Variants in MAP4 observed in about 807,000 individuals in gnomAD.
The protein encoded by MAP4 is microtubule-associated protein 4.
MAP4 carries 76 observed loss-of-function variants against 170.2 expected under a neutral mutation model. The ratio of observed to expected loss-of-function variants is 0.45; its 90% CI spans 0.37 to 0.54. The LOEUF (loss-of-function observed/expected upper bound fraction) is 0.54, where lower values mean the gene tolerates loss of function less well. Among genes scored for constraint, MAP4 ranks in the 20% least tolerant of loss-of-function variants. MAP4 has a pLI of 0.00. For missense variants in MAP4, 2,506 were observed against 2,748.0 expected (o/e 0.91, Z 1.97); for synonymous variants, 909 against 994.5 (o/e 0.91, Z 1.62).
intron 1 of MAP4, among the ~76,000 whole-genome samples, chr3:48,062,374 G>T (rs552838798): frequency 2.9e-4 from 44 of 151,354 alleles, no homozygotes; most frequent in African/African-American, 1.1e-3. Context: ...AGGCCGCAGG[G>T]TCCTCTGCCT....
At chr3:47,987,360 G>A (rs1339319248) in intron 2 of MAP4, 2 of 1,518,810 alleles carry the variant, frequency 1.3e-6, no homozygotes, top group Non-Finnish European at 8.8e-7. Context: ...AAAGAGGAAA[G>A]TTCAGGGAAG....
In MAP4 at chr3:48,016,320, C is replaced by T. The variant is rs1317488285; in HGVS notation, c.-20+14G>A. The T allele has an allele frequency of 6.8e-6, 1 of 147,616 alleles. No homozygotes were observed. The highest frequency in any genetic ancestry group is 1.5e-5 in the Non-Finnish European group (1 of 67,420). The allele number at this position is 147,616 out of a possible 1,614,324, so 9.1% of individuals were successfully genotyped here. A position where few individuals can be genotyped will look rare whatever the true frequency, so the allele number is the denominator to read the frequency against. Reference sequence around the variant, plus strand: ...CTTGCATCACAAAGTTAAAAGGCTACCTTGCTTACTTACAGGAACTATCCA... The same window carrying T: ...CTTGCATCACAAAGTTAAAAGGCTATCTTGCTTACTTACAGGAACTATCCA... On this transcript the variant is annotated intron_variant, in intron 1 of 20. Transcript: ENST00000683076.
chr3:48,059,288 G>A (rs1307532252), intron 1 of MAP4, among the ~76,000 whole-genome samples: 1 of 152,020 alleles, frequency 6.6e-6, no homozygotes, highest in Non-Finnish European at 1.5e-5. Context: ...GCCAAGGTGG[G>A]GAGATTGCCT....
intron 1 of MAP4, among the ~76,000 whole-genome samples, chr3:48,033,814 G>T (rs1195943766): frequency 2.0e-5 from 3 of 151,976 alleles, no homozygotes; most frequent in Non-Finnish European, 2.9e-5. Context: ...TGTTGGCCAG[G>T]CTGGTTTCGA....
At chr3:47,878,505 T>C (rs1162306393) in intron 10 of MAP4, among the ~76,000 whole-genome samples, 1 of 152,136 alleles carries the variant, frequency 6.6e-6, no homozygotes, top group African/African-American at 2.4e-5. Flanking sequence ...AGATGTACAA[T>C]GTTAAGTATA....
At chr3:47,874,893 G>A (rs2094766237) in intron 12 of MAP4, among the ~76,000 whole-genome samples, 2 of 152,114 alleles carry the variant, frequency 1.3e-5, no homozygotes, top group Non-Finnish European at 2.9e-5. Context: ...TTCGTACCAT[G>A]AATTTAAAGA....
chr3:47,911,538 T>C lies in MAP4; in HGVS notation c.2883A>G (p.Ser961=). 6.5e-7 allele frequency: 1 copy of C among 1,536,052 alleles called. No homozygotes were observed. The highest frequency in any genetic ancestry group is 2.0e-5 in the Admixed American group (1 of 50,976). ...FLDQEVMGVV[S]KPTAAKEIPN... is the part of the protein sequence containing the mutation. ...GTATTTCTTTTGCTGCTGTGGGTTT[T>C]GAAACTACACCCATAACCTCTTGGT... The change falls in exon 9 of 21, where the codon TCA becomes TCG. Residue 961 remains serine, a synonymous_variant. Transcript: ENST00000683076. The surrounding 1 kb of genome is among the most constrained non-coding windows in gnomAD (Gnocchi z 4.0).
At chr3:47,906,078 C>T (rs971852640) in intron 9 of MAP4, among the ~76,000 whole-genome samples, 40 of 139,206 alleles carry the variant, frequency 2.9e-4, no homozygotes, top group African/African-American at 1.2e-3. Context: ...GATCAGTACA[C>T]ATAACCAAAA....
chr3:47,924,498 T>A, intron 4 of MAP4, among the ~76,000 whole-genome samples: 1 of 152,080 alleles, frequency 6.6e-6, no homozygotes, highest in Non-Finnish European at 1.5e-5. Flanking sequence ...AACCTTGGAG[T>A]CATCCTGGAC....
chr3:48,081,049 G>A (rs544507758), intron 1 of MAP4, among the ~76,000 whole-genome samples: 15 of 151,780 alleles, frequency 9.9e-5, no homozygotes, highest in African/African-American at 1.7e-4. Flanking sequence ...GCGTGAACCC[G>A]GGAGGCAGAG....
intron 1 of MAP4, among the ~76,000 whole-genome samples, chr3:48,005,707 C>T (rs1232198379): frequency 6.6e-6 from 1 of 152,148 alleles, no homozygotes; most frequent in African/African-American, 2.4e-5. Flanking sequence ...CACTTTAGAC[C>T]TACTCATCCC....
chr3:47,965,409 A>G (rs2100074249), intron 3 of MAP4, among the ~76,000 whole-genome samples: 1 of 152,234 alleles, frequency 6.6e-6, no homozygotes, highest in Admixed American at 6.5e-5. Context: ...TCCTTTGGGC[A>G]TATATCCAGA....
At chr3:47,925,738 G>A (rs1472938291) in intron 4 of MAP4, among the ~76,000 whole-genome samples, 1 of 152,118 alleles carries the variant, frequency 6.6e-6, no homozygotes, top group African/African-American at 2.4e-5. Flanking sequence ...GGGAGATGGG[G>A]GTGATATTTA....
In MAP4 at chr3:47,852,901, C is replaced by T. The variant is rs766903853; in HGVS notation, c.*33G>A. Reference sequence around the variant, plus strand: ...GTCGGCCCCGTGGTCGGTGCGGGCCCTGGCATTTGCCCGGAACGTCAGCCT... The same window carrying T: ...GTCGGCCCCGTGGTCGGTGCGGGCCTTGGCATTTGCCCGGAACGTCAGCCT... On this transcript the variant is annotated 3_prime_UTR_variant, in exon 21 of 21. Coordinates refer to ENST00000683076, the MANE Select transcript of MAP4 (RefSeq NM_001385682.1). The T allele has an allele frequency of 1.2e-6, 2 of 1,607,496 alleles. No homozygotes were observed. The highest frequency in any genetic ancestry group is 1.7e-6 in the Non-Finnish European group (2 of 1,176,632).
intron 3 of MAP4, among the ~76,000 whole-genome samples, chr3:47,932,806 C>T (rs1301981514): frequency 1.3e-5 from 2 of 152,210 alleles, no homozygotes; most frequent in South Asian, 2.1e-4. Context: ...ATCATACTGC[C>T]TTGCAGCCTC....
intron 3 of MAP4, among the ~76,000 whole-genome samples, chr3:47,956,829 G>A (rs1035585218): frequency 6.6e-6 from 1 of 152,200 alleles, no homozygotes; most frequent in African/African-American, 2.4e-5. Flanking sequence ...CATGAAGGCT[G>A]TGCATGGACT....
intron 1 of MAP4, among the ~76,000 whole-genome samples, chr3:48,086,938 G>A (rs2100149350): frequency 6.6e-6 from 1 of 152,206 alleles, no homozygotes; most frequent in African/African-American, 2.4e-5. Flanking sequence ...GAACTACTAT[G>A]TGGGGGTTGG....
At chr3:47,989,001 G>C (rs1207395335) in intron 2 of MAP4, among the ~76,000 whole-genome samples, 1 of 152,064 alleles carries the variant, frequency 6.6e-6, no homozygotes, top group African/African-American at 2.4e-5. Context: ...TAGTAGAGAT[G>C]AGATTTCACC....
intron 4 of MAP4, among the ~76,000 whole-genome samples, chr3:47,927,830 G>C (rs2100046942): frequency 6.6e-6 from 1 of 152,096 alleles, no homozygotes; most frequent in East Asian, 1.9e-4. Context: ...TGTCAAAAGA[G>C]GATACATATA....
Sources: gnomAD v4.1 joint callset for allele counts (sites outside exome capture counted in the v4.1 genomes callset) on GRCh38, gnomAD v4.1.1 for gene constraint, Gnocchi (gnomAD v3.1) non-coding constraint, MANE v1.5 for transcripts, NCBI Gene and HGNC (gene_info 2026-07-23, HGNC 2026-07-21) for gene names.